The following IL17RB variants were observed in gnomAD, a reference collection of about 807,000 sequenced individuals.
IL17RB encodes the protein interleukin-17 receptor B.
IL17RB carries 36 observed loss-of-function variants against 43.9 expected under a neutral mutation model. That is an observed-to-expected ratio of 0.82 (90% CI 0.63 to 1.08). IL17RB has a LOEUF of 1.08. Ranked by LOEUF, IL17RB falls within the 50% of genes least tolerant of loss-of-function variation. The pLI is 0.00. For missense variants in IL17RB, 613 were observed against 613.6 expected (o/e 1.00, Z 0.01); for synonymous variants, 225 against 225.4 (o/e 1.00, Z 0.02).
intron 7 of IL17RB, among the ~76,000 whole-genome samples, 189 bp downstream of exon 7, chr3:53,857,175 A>G (rs1446509256): frequency 1.3e-5 from 2 of 152,202 alleles, no homozygotes; most frequent in Non-Finnish European, 2.9e-5. Flanking sequence ...GAAGTCTCCG[A>G]AGCAGGAAAT....
Position 53,865,349 on chromosome 3 carries a change from CCACCAA to C in IL17RB, c.*42_*47del. ...CAAGAGACCTTAAAGGCTTCCTATC[CCACCAA>C]TTACAGGGAAAAAACGTGTGATGAT... On this transcript the variant is annotated 3_prime_UTR_variant, in exon 11 of 11. Transcript: ENST00000288167. The C allele has an allele frequency of 6.7e-7, 1 of 1,482,420 alleles. No homozygotes were observed. The highest frequency in any genetic ancestry group is 9.1e-7 in the Non-Finnish European group (1 of 1,099,628). 91.8% of individuals were successfully genotyped at this position (1,482,420 alleles called of 1,614,324 possible). A position where few individuals can be genotyped will look rare whatever the true frequency, so the allele number is the denominator to read the frequency against.
At chr3:53,864,535 C>CAA (rs1043498703) in intron 10 of IL17RB, among the ~76,000 whole-genome samples, 2 of 139,726 alleles carry the variant, frequency 1.4e-5, no homozygotes, top group African/African-American at 2.6e-5. Flanking sequence ...ACTATGTCTC[C>CAA]AAAAAAAAAA....
intron 4 of IL17RB, 55 bp from the exon 5 acceptor site, chr3:53,852,816 C>A: frequency 1.9e-6 from 3 of 1,571,568 alleles, no homozygotes; most frequent in Non-Finnish European, 2.6e-6. Flanking sequence ...CTAAGGTATA[C>A]TGTTTCTGTA....
intron 10 of IL17RB, among the ~76,000 whole-genome samples, chr3:53,863,147 T>C (rs576724039): frequency 6.6e-6 from 1 of 152,228 alleles, no homozygotes; most frequent in Non-Finnish European, 1.5e-5. Flanking sequence ...ACACATAACA[T>C]GCAAAATATG....
At chr3:53,858,529 G>A in intron 8 of IL17RB, 190 bp from the exon 9 acceptor site, 1 of 1,421,024 alleles carries the variant, frequency 7.0e-7, no homozygotes, top group Non-Finnish European at 9.2e-7. Context: ...TTGGGCACGT[G>A]GGTCTCGGGT....
At position 53,849,659 on chromosome 3, in the gene IL17RB, A is replaced by T. The variant is rs765252935; in HGVS notation, c.90A>T (p.Pro30=). The change falls in exon 3 of 11, where the codon CCA becomes CCT. Residue 30 remains proline, a synonymous_variant. Transcript: ENST00000288167. ...PTVQCGSETG[P]SPEWMLQHDL... is the part of the protein sequence containing the mutation. ...GGAAGTCTTGCTTTTTCCCAGGGCC[A>T]TCTCCAGAGTGGATGCTACAACATG... 1.2e-6 allele frequency: 2 copies of T among 1,600,482 alleles called. No homozygotes were observed. Among genetic ancestry groups the T allele is most frequent in the Non-Finnish European group, 1.7e-6 (2 of 1,172,748 alleles).
At position 53,865,538 on chromosome 3, in the gene IL17RB, T is replaced by C. The variant is rs709324; in HGVS notation, c.*230T>C. 0.38 allele frequency: 183,929 copies of C among 488,604 alleles called. 36,873 individuals are homozygous for C. The highest frequency in any genetic ancestry group is 0.68 in the East Asian group (20,591 of 30,444). The allele number at this position is 488,604 out of a possible 1,614,324, so 30.3% of individuals were successfully genotyped here. The stretch of plus-strand genomic sequence containing the variant: ...TTTTATACATAGAAATCAATTACAG[T>C]TTTAATTGAAAACTATAACCATTTT... On this transcript the variant is annotated 3_prime_UTR_variant, in exon 11 of 11. Coordinates refer to ENST00000288167, the MANE Select transcript of IL17RB (RefSeq NM_018725.4).
chr3:53,863,652 G>T (rs184545753), intron 10 of IL17RB, among the ~76,000 whole-genome samples: 1 of 152,130 alleles, frequency 6.6e-6, no homozygotes, highest in Admixed American at 6.5e-5. Context: ...GCTGAAAAGG[G>T]GTGCCACTTA....
intron 5 of IL17RB, among the ~76,000 whole-genome samples, chr3:53,853,283 T>C (rs1265394401): frequency 6.6e-6 from 1 of 152,258 alleles, no homozygotes; most frequent in East Asian, 1.9e-4. Flanking sequence ...AAGGTTGGGA[T>C]AGCTGCATTT....
Position 53,858,728 on chromosome 3 carries a change from T to C in IL17RB, c.757T>C (p.Tyr253His), listed in dbSNP as rs375074295. ...SEGATVQLTP[Y>H]FPTCGSDCIR... ...TCTTGTTTTTCCTCAGCTGACTCCA[T>C]ATTTTCCTACTTGTGGCAGCGACTG... The change falls in exon 9 of 11, where the codon TAT becomes CAT. Residue 253 changes from tyrosine to histidine, a missense_variant. By Grantham distance (83) the Tyr-to-His change is moderately conservative. Coordinates refer to ENST00000288167, the MANE Select transcript of IL17RB (RefSeq NM_018725.4). The C allele has an allele frequency of 6.2e-7, 1 of 1,614,124 alleles. No homozygotes were observed. Among genetic ancestry groups the C allele is most frequent in the East Asian group, 2.2e-5 (1 of 44,884 alleles).
intron 5 of IL17RB, among the ~76,000 whole-genome samples, chr3:53,853,827 G>A (rs1289549118): frequency 6.6e-6 from 1 of 152,176 alleles, no homozygotes; most frequent in Non-Finnish European, 1.5e-5. Context: ...CAACTTTCTT[G>A]ATGAGAGCAA....
At chr3:53,858,487 T>C in intron 8 of IL17RB, 1 of 1,381,766 alleles carries the variant, frequency 7.2e-7, no homozygotes, top group Non-Finnish European at 9.4e-7. Flanking sequence ...GTTAGTAACG[T>C]GTACAAAGTT....
chr3:53,853,784 T>C (rs1466802931), intron 5 of IL17RB, among the ~76,000 whole-genome samples: 1 of 152,226 alleles, frequency 6.6e-6, no homozygotes, highest in African/African-American at 2.4e-5. Context: ...CCAGGGTGTT[T>C]TTGGTGCTGC....
chr3:53,861,852 T>C (rs11716354), intron 10 of IL17RB, among the ~76,000 whole-genome samples: 3,330 of 152,156 alleles, frequency 0.022, 63 homozygotes, highest in Non-Finnish European at 0.034. Flanking sequence ...GGGAAAAAAA[T>C]GCTACAAAGG....
chr3:53,863,193 C>G (rs1249306892), intron 10 of IL17RB, among the ~76,000 whole-genome samples: 1 of 152,118 alleles, frequency 6.6e-6, no homozygotes, highest in Non-Finnish European at 1.5e-5. Context: ...GTAAGACTTC[C>G]AGTCAACAGT....
chr3:53,852,329 G>C (rs1254520755), intron 4 of IL17RB, among the ~76,000 whole-genome samples: 1 of 152,004 alleles, frequency 6.6e-6, no homozygotes, highest in Non-Finnish European at 1.5e-5. Context: ...TTTTGTAGAG[G>C]GGGGTTTCAC....
At chr3:53,849,106 G>C (rs1699040327) in intron 2 of IL17RB, among the ~76,000 whole-genome samples, 1 of 152,240 alleles carries the variant, frequency 6.6e-6, no homozygotes, top group Admixed American at 6.5e-5. Flanking sequence ...TGAGCTGGAG[G>C]AGAGATGGCA....
intron 1 of IL17RB, among the ~76,000 whole-genome samples, chr3:53,847,742 C>T (rs1318196566): frequency 3.9e-5 from 6 of 151,940 alleles, no homozygotes; most frequent in African/African-American, 1.5e-4. Context: ...TGCAGTGAGC[C>T]GAGATCTGCG....
At chr3:53,849,334 G>A (rs1559773111) in intron 2 of IL17RB, among the ~76,000 whole-genome samples, 1 of 152,120 alleles carries the variant, frequency 6.6e-6, no homozygotes, top group Non-Finnish European at 1.5e-5. Context: ...AAATTATCTG[G>A]GCTATAAATC....
Sources: gnomAD v4.1 joint callset for allele counts (sites outside exome capture counted in the v4.1 genomes callset) on GRCh38, gnomAD v4.1.1 for gene constraint, MANE v1.5 for transcripts, NCBI Gene and HGNC (gene_info 2026-07-23, HGNC 2026-07-21) for gene names.